Variants in ATP6V1C2 observed in about 807,000 individuals in gnomAD.
The protein encoded by ATP6V1C2 is ATPase H+ transporting V1 subunit C2.
A neutral mutation model predicts 56.8 loss-of-function variants in ATP6V1C2; 45 were observed. The ratio of observed to expected loss-of-function variants is 0.79; its 90% CI spans 0.62 to 1.02. The LOEUF (loss-of-function observed/expected upper bound fraction) is 1.02, where lower values mean the gene tolerates loss of function less well. ATP6V1C2 is among the 50% of genes least tolerant of loss of function. ATP6V1C2 has a pLI of 0.00. For synonymous variants in ATP6V1C2, 220 were observed against 201.3 expected (o/e 1.09, Z -0.79); for missense variants, 463 against 519.7 (o/e 0.89, Z 1.06).
chr2:10,772,072 T>A (rs1360114929), intron 7 of ATP6V1C2, 135 bp downstream of exon 7: 1 of 755,626 alleles, frequency 1.3e-6, no homozygotes, highest in Non-Finnish European at 2.3e-6. Flanking sequence ...CATTCCTTCA[T>A]GGGGCCCTGC....
chr2:10,765,675 T>C (rs1489322756), intron 5 of ATP6V1C2, among the ~76,000 whole-genome samples: 2 of 152,186 alleles, frequency 1.3e-5, no homozygotes, highest in Non-Finnish European at 2.9e-5. Context: ...TCAAGGAGGG[T>C]GTGCCCAGAG....
At position 10,782,322 on chromosome 2, in the gene ATP6V1C2, C is replaced by T; in HGVS notation, c.1141C>T (p.Leu381=). Residue 381 remains leucine, a synonymous_variant, in exon 13 of 14, where the codon CTA becomes TTA. Transcript: ENST00000272238. ...ATCCACCAAGCGTTTAAGAGAGGTT[C>T]TAAACTCTGTCTTCCGACATCTGGA... is the stretch of plus-strand genomic sequence containing the variant. ...KSSTKRLREV[L]NSVFRHLDEV... 3 of 1,614,202 alleles carry T rather than the reference C, an allele frequency of 1.9e-6. No homozygotes were observed. Among genetic ancestry groups the T allele is most frequent in the Non-Finnish European group, 2.5e-6 (3 of 1,180,034 alleles).
rs1665641016 is a variant in ATP6V1C2 at position 10,784,976 on chromosome 2, A to G, written c.*1713A>G. ...CCCAAGGCTCTCTCTCAACGATGGT[A>G]GGGAAAGCCCCGCCTCCTACAGGTG... On this transcript the variant is annotated 3_prime_UTR_variant, in exon 14 of 14. Transcript: ENST00000272238. 1.9e-6 allele frequency: 3 copies of G among 1,592,640 alleles called. No individual in the cohort carries two copies. Among genetic ancestry groups the G allele is most frequent in the Non-Finnish European group, 2.6e-6 (3 of 1,168,260 alleles).
chr2:10,781,722 C>A (rs1313918878), intron 12 of ATP6V1C2, among the ~76,000 whole-genome samples: 1 of 152,192 alleles, frequency 6.6e-6, no homozygotes, highest in Non-Finnish European at 1.5e-5. Flanking sequence ...ATTTACAGCA[C>A]TTGCTATATT....
intron 12 of ATP6V1C2, 150 bp from the exon 13 acceptor site, chr2:10,782,093 C>T (rs1449893017): frequency 1.1e-6 from 1 of 881,120 alleles, no homozygotes; most frequent in African/African-American, 1.7e-5. Context: ...GAGATCACCG[C>T]TGACCCTAGG....
At chr2:10,725,878 G>C (rs1223031836) in intron 2 of ATP6V1C2, among the ~76,000 whole-genome samples, 1 of 151,628 alleles carries the variant, frequency 6.6e-6, no homozygotes, top group African/African-American at 2.4e-5. Context: ...TCGGGAGTTC[G>C]AGACCAGCCT....
At chr2:10,772,638 G>T (rs915510419) in intron 8 of ATP6V1C2, 28 bp downstream of exon 8, 9 of 1,595,460 alleles carry the variant, frequency 5.6e-6, no homozygotes, top group Non-Finnish European at 7.7e-6. Flanking sequence ...TTGGTCCCAG[G>T]GCCCCTGGGG....
intron 5 of ATP6V1C2, among the ~76,000 whole-genome samples, 191 bp downstream of exon 5, chr2:10,764,616 C>T (rs895274013): frequency 6.6e-6 from 1 of 152,202 alleles, no homozygotes; most frequent in African/African-American, 2.4e-5. Context: ...AGAGCCAGTC[C>T]CCTGGCCTCC....
intron 3 of ATP6V1C2, among the ~76,000 whole-genome samples, chr2:10,750,920 G>T (rs143984097): frequency 6.6e-6 from 1 of 152,016 alleles, no homozygotes; most frequent in Non-Finnish European, 1.5e-5. Flanking sequence ...AGTGCTTGGC[G>T]CATAGTAGTT....
intron 4 of ATP6V1C2, among the ~76,000 whole-genome samples, 169 bp downstream of exon 4, chr2:10,754,235 T>C (rs1663389656): frequency 6.6e-6 from 1 of 151,948 alleles, no homozygotes; most frequent in Non-Finnish European, 1.5e-5. Flanking sequence ...TTATTTATAT[T>C]ATTATTATTT....
intron 3 of ATP6V1C2, among the ~76,000 whole-genome samples, chr2:10,751,672 C>T (rs935033228): frequency 2.6e-5 from 4 of 152,134 alleles, no homozygotes; most frequent in African/African-American, 7.2e-5. Flanking sequence ...CATTACTTCT[C>T]TGGGCCTCAG....
At chr2:10,727,860 C>T (rs1282808314) in intron 3 of ATP6V1C2, among the ~76,000 whole-genome samples, 9 of 151,904 alleles carry the variant, frequency 5.9e-5, no homozygotes, top group East Asian at 1.9e-4. Flanking sequence ...GCCGAGATCG[C>T]GCCACTTCAC....
rs146854648 is a variant in ATP6V1C2, at chr2:10,782,262, T to C, written c.1081T>C (p.Phe361Leu). ...GAAAAGGTATGGACTACCAGTGAACTTCCAGGCAGTGCTCCTGCAGCCGCA... is the reference window on the plus strand; with the variant it reads ...GAAAAGGTATGGACTACCAGTGAACCTCCAGGCAGTGCTCCTGCAGCCGCA... ...SVLRYGLPVNFQAVLLQPHKK... is the reference protein window; with the variant it reads ...SVLRYGLPVNLQAVLLQPHKK... Residue 361 changes from phenylalanine (F) to leucine (L), a missense_variant, in exon 13 of 14, where the codon TTC (phenylalanine) becomes CTC (leucine). Physicochemically the swap from Phe to Leu is conservative, Grantham distance 22. Transcript: ENST00000272238. The C allele has an allele frequency of 2.7e-4, 439 of 1,614,202 alleles. 2 individuals carry two copies. Among genetic ancestry groups the C allele is most frequent in the Admixed American group, 3.5e-4 (21 of 60,020 alleles).
intron 3 of ATP6V1C2, among the ~76,000 whole-genome samples, chr2:10,731,951 C>T (rs1661973213): frequency 6.6e-6 from 1 of 150,900 alleles, no homozygotes; most frequent in South Asian, 2.1e-4. Flanking sequence ...CCAGCCTGGG[C>T]AACAGAGTGA....
intron 3 of ATP6V1C2, among the ~76,000 whole-genome samples, chr2:10,738,671 C>G (rs1208212705): frequency 6.6e-6 from 1 of 152,178 alleles, no homozygotes; most frequent in Non-Finnish European, 1.5e-5. Context: ...GGCAACCTCC[C>G]ATGGTCCTTT....
intron 2 of ATP6V1C2, among the ~76,000 whole-genome samples, chr2:10,725,275 G>A (rs1661576428): frequency 6.6e-6 from 1 of 151,598 alleles, no homozygotes; most frequent in Non-Finnish European, 1.5e-5. Flanking sequence ...AATAAGCCAG[G>A]CGTGGGGCAC....
intron 3 of ATP6V1C2, among the ~76,000 whole-genome samples, chr2:10,748,208 A>G (rs1663026923): frequency 6.6e-6 from 1 of 152,086 alleles, no homozygotes. Context: ...TTTGACCTTG[A>G]TGGCTCTGAG....
chr2:10,753,874 T>C, intron 3 of ATP6V1C2, 107 bp from the exon 4 acceptor site: 1 of 1,020,292 alleles, frequency 9.8e-7, no homozygotes, highest in Non-Finnish European at 1.5e-6. Flanking sequence ...CTTGCCAAAT[T>C]ATTCCCCCAA....
Position 10,784,543 on chromosome 2 carries a change from T to G in ATP6V1C2, c.*1280T>G. The G allele has an allele frequency of 2.0e-6, 1 of 508,710 alleles. No homozygotes were observed. The highest frequency in any genetic ancestry group is 3.1e-5 in the East Asian group (1 of 32,764). 31.5% of individuals were successfully genotyped at this position (508,710 alleles called of 1,614,324 possible). On this transcript the variant is annotated 3_prime_UTR_variant, in exon 14 of 14. Coordinates refer to ENST00000272238, the MANE Select transcript of ATP6V1C2 (RefSeq NM_001039362.2). ...ATTTCAACATCACATCACTCACCAT[T>G]TTAACACTGGAAGCCACTTGAACGT... is the stretch of plus-strand genomic sequence containing the variant.
Sources: allele counts gnomAD v4.1 joint callset (sites outside exome capture counted in the v4.1 genomes callset), GRCh38; gene constraint gnomAD v4.1.1; transcripts MANE v1.5; gene names NCBI Gene and HGNC (gene_info 2026-07-23, HGNC 2026-07-21).